The following SMYD3 variants were observed in gnomAD, a reference collection of about 807,000 sequenced individuals.
The protein encoded by SMYD3 is histone-lysine N-methyltransferase SMYD3.
A neutral mutation model predicts 57.7 loss-of-function variants in SMYD3; 36 were observed. The observed-to-expected ratio is 0.62, with a 90% CI of 0.48 to 0.82. The LOEUF is 0.82. Ranked by LOEUF, SMYD3 falls within the 40% of genes least tolerant of loss-of-function variation. SMYD3 has a pLI of 0.00. For synonymous variants in SMYD3, 211 were observed against 195.0 expected (o/e 1.08, Z -0.68); for missense variants, 515 against 538.8 (o/e 0.96, Z 0.44).
intron 5 of SMYD3, among the ~76,000 whole-genome samples, chr1:245,977,029 C>CCATCGTCTCCGGCCT (rs1558551371): frequency 2.7e-5 from 1 of 36,982 alleles, no homozygotes; most frequent in African/African-American, 1.3e-4. Context: ...GTCTCTAGCC[C>CCATCGTCTCCGGCCT]AGGGAAAGCC....
At chr1:246,019,116 A>T (rs766075399) in intron 5 of SMYD3, among the ~76,000 whole-genome samples, 1 of 152,008 alleles carries the variant, frequency 6.6e-6, no homozygotes, top group Non-Finnish European at 1.5e-5. Context: ...GCATTTCTGA[A>T]CTTCTCCATT....
rs2065969556 is a variant in SMYD3 at position 246,360,396 on chromosome 1, T to C, written c.165-5302A>G. ...CATATTGCCAAAAGCAATCTACAAATTCAATACAATTCCCATCTAAACACC... is the reference window on the plus strand; with the variant it reads ...CATATTGCCAAAAGCAATCTACAAACTCAATACAATTCCCATCTAAACACC... On this transcript the variant is annotated intron_variant, in intron 1 of 11. Coordinates refer to ENST00000490107, the MANE Select transcript of SMYD3 (RefSeq NM_001167740.2). 1.3e-5 allele frequency among the ~76,000 whole-genome samples: 2 copies of C among 151,564 alleles called. 1 individual carries two copies. The highest frequency in any genetic ancestry group is 1.3e-4 in the Admixed American group (2 of 15,242).
intron 1 of SMYD3, among the ~76,000 whole-genome samples, chr1:246,402,507 G>A (rs1175272006): frequency 6.6e-6 from 1 of 151,870 alleles, no homozygotes; most frequent in Non-Finnish European, 1.5e-5. Context: ...ACAGACTTCT[G>A]CATTTCATTC....
At position 246,198,332 on chromosome 1, in the gene SMYD3, G is replaced by T. The variant is rs138929338; in HGVS notation, c.531+128869C>A. Among the ~76,000 whole-genome samples, 14 of 152,304 alleles carry T rather than the reference G, an allele frequency of 9.2e-5. No individual in the cohort carries two copies. In the East Asian group the frequency reaches 2.7e-3, roughly 29 times the overall value. On this transcript the variant is annotated intron_variant, in intron 5 of 11. Transcript: ENST00000490107. ...TGTGAATAATGCCTCTGGGCAAAGTGCAGGACTGATTTTAAGAGCTGTCAG... is the reference window on the plus strand; with the variant it reads ...TGTGAATAATGCCTCTGGGCAAAGTTCAGGACTGATTTTAAGAGCTGTCAG...
At chr1:246,092,293 GA>G (rs36085592) in intron 5 of SMYD3, among the ~76,000 whole-genome samples, 2 of 152,012 alleles carry the variant, frequency 1.3e-5, no homozygotes, top group Non-Finnish European at 2.9e-5. Flanking sequence ...ATTGCTGTTC[GA>G]AATTACCCAA....
At chr1:245,825,321 C>T (rs777777656) in intron 10 of SMYD3, among the ~76,000 whole-genome samples, 2 of 152,194 alleles carry the variant, frequency 1.3e-5, no homozygotes, top group Non-Finnish European at 2.9e-5. Flanking sequence ...TCCACACCTT[C>T]GGCTTGTGGT....
intron 10 of SMYD3, among the ~76,000 whole-genome samples, chr1:245,817,730 T>A (rs1355336769): frequency 2.0e-5 from 3 of 151,818 alleles, no homozygotes; most frequent in Admixed American, 6.6e-5. Context: ...AAACCAAGGC[T>A]CGAGAACTAT....
chr1:246,501,463 G>A (rs1181680461), intron 1 of SMYD3, among the ~76,000 whole-genome samples: 1 of 152,122 alleles, frequency 6.6e-6, no homozygotes, highest in Non-Finnish European at 1.5e-5. Context: ...CGTACCTGTT[G>A]TATCAAGACA....
chr1:246,379,916 C>G (rs1486815638), intron 1 of SMYD3, among the ~76,000 whole-genome samples: 1 of 151,594 alleles, frequency 6.6e-6, no homozygotes, highest in African/African-American at 2.4e-5. Flanking sequence ...AGGAGAATCA[C>G]TTGAACCTGG....
At chr1:246,164,709 G>A (rs911157478) in intron 5 of SMYD3, among the ~76,000 whole-genome samples, 32 of 152,342 alleles carry the variant, frequency 2.1e-4, no homozygotes, top group African/African-American at 7.7e-4. Context: ...ACACAGTCCT[G>A]AACAAGACTG....
At chr1:246,450,284 T>A (rs551250341) in intron 1 of SMYD3, among the ~76,000 whole-genome samples, 1 of 150,324 alleles carries the variant, frequency 6.7e-6, no homozygotes, top group East Asian at 1.9e-4. Context: ...AAAGCGAAAC[T>A]CTATCTCAAA....
chr1:245,957,505 A>C (rs536583256), intron 5 of SMYD3, among the ~76,000 whole-genome samples: 2 of 152,340 alleles, frequency 1.3e-5, no homozygotes, highest in South Asian at 2.1e-4. Context: ...GCACTTCTCT[A>C]ACTTGAGCTA....
intron 9 of SMYD3, among the ~76,000 whole-genome samples, chr1:245,861,953 T>C (rs2051570880): frequency 6.6e-6 from 1 of 152,006 alleles, no homozygotes; most frequent in African/African-American, 2.4e-5. Flanking sequence ...TAAAACCTTG[T>C]CCAGTTGAAA....
At chr1:245,987,471 C>T (rs571451059) in intron 5 of SMYD3, among the ~76,000 whole-genome samples, 11 of 152,162 alleles carry the variant, frequency 7.2e-5, no homozygotes, top group East Asian at 3.9e-4. Context: ...ACAATTGAAA[C>T]GAACTAAAGA....
chr1:246,045,342 T>C (rs953845918), intron 5 of SMYD3, among the ~76,000 whole-genome samples: 6 of 152,012 alleles, frequency 3.9e-5, no homozygotes, highest in African/African-American at 1.5e-4. Flanking sequence ...TCTACAACTA[T>C]CTCATCTTTG....
intron 5 of SMYD3, among the ~76,000 whole-genome samples, chr1:246,040,691 T>G (rs550011635): frequency 1.3e-5 from 2 of 152,342 alleles, no homozygotes; most frequent in South Asian, 2.1e-4. Context: ...TCTCCTTTCA[T>G]TTGAAAAGGT....
chr1:245,917,735 C>T (rs1166492483), intron 7 of SMYD3, among the ~76,000 whole-genome samples: 1 of 152,142 alleles, frequency 6.6e-6, no homozygotes, highest in African/African-American at 2.4e-5. Context: ...TTGTACCAGA[C>T]TGTAGAAATT....
intron 5 of SMYD3, among the ~76,000 whole-genome samples, chr1:246,029,704 A>G (rs1391884628): frequency 4.0e-5 from 6 of 151,756 alleles, no homozygotes; most frequent in Middle Eastern, 3.4e-3. Context: ...AGAAAAAGAA[A>G]AAGAAAATAT....
chr1:246,413,030 T>C (rs1339157705), intron 1 of SMYD3, among the ~76,000 whole-genome samples: 2 of 152,208 alleles, frequency 1.3e-5, no homozygotes, highest in Non-Finnish European at 2.9e-5. Context: ...CTCAAGGTCA[T>C]GTATAGACAC....
Sources: allele counts gnomAD v4.1 joint callset (sites outside exome capture counted in the v4.1 genomes callset), GRCh38; gene constraint gnomAD v4.1.1; transcripts MANE v1.5; gene names NCBI Gene and HGNC (gene_info 2026-07-23, HGNC 2026-07-21).